The following SOX5 variants were observed in gnomAD, a reference collection of about 807,000 sequenced individuals.
The protein encoded by SOX5 is transcription factor SOX-5.
A neutral mutation model predicts 92.0 loss-of-function variants in SOX5; 9 were observed. The observed-to-expected ratio is 0.10, with a 90% CI of 0.06 to 0.17. The LOEUF (loss-of-function observed/expected upper bound fraction) is 0.17, where lower values mean the gene tolerates loss of function less well. SOX5 is among the 10% of genes least tolerant of loss of function. The pLI, the probability that SOX5 is intolerant of heterozygous loss-of-function variation, is 1.00. For synonymous variants in SOX5, 344 were observed against 336.3 expected (o/e 1.02, Z -0.25); for missense variants, 642 against 944.5 (o/e 0.68, Z 4.20).
At chr12:23,793,546 G>T (rs1192009786) in intron 3 of SOX5, among the ~76,000 whole-genome samples, 1 of 152,166 alleles carries the variant, frequency 6.6e-6, no homozygotes, top group Non-Finnish European at 1.5e-5. Flanking sequence ...TGGGGTATAG[G>T]TGGGGAATTC....
intron 3 of SOX5, among the ~76,000 whole-genome samples, chr12:23,811,440 T>C (rs2095873788): frequency 6.6e-6 from 1 of 152,130 alleles, no homozygotes; most frequent in Admixed American, 6.5e-5. Flanking sequence ...TATACTTCTA[T>C]CCTGTCAGGC....
At chr12:23,621,246 A>C (rs1672617450) in intron 8 of SOX5, among the ~76,000 whole-genome samples, 1 of 152,104 alleles carries the variant, frequency 6.6e-6, no homozygotes, top group Non-Finnish European at 1.5e-5. Flanking sequence ...AGGATATGCA[A>C]ATTCACAGAG....
Position 23,539,123 on chromosome 12 carries a change from G to A in SOX5, c.1772-2454C>T, listed in dbSNP as rs186849831. On this transcript the variant is annotated intron_variant, in intron 13 of 14. Coordinates refer to ENST00000451604, the MANE Select transcript of SOX5 (RefSeq NM_006940.6). ...CCTGGCCAAGCATTTTCAATTAGAA[G>A]GGGAATTGCCAAAGATTCTTCCCTA... Among the ~76,000 whole-genome samples the A allele has an allele frequency of 4.5e-4, 68 of 152,074 alleles. 1 individual carries two copies. Among genetic ancestry groups the A allele is most frequent in the African/African-American group, 1.5e-3 (63 of 41,508 alleles).
At chr12:23,977,248 A>G (rs1345813798) in intron 4 of SOX5, among the ~76,000 whole-genome samples, 7 of 152,200 alleles carry the variant, frequency 4.6e-5, no homozygotes, top group Non-Finnish European at 7.3e-5. Flanking sequence ...TAGTAAGGAA[A>G]CATAATTTTG....
chr12:24,266,034 ATGTGTGTGTG>A (rs59696898), intron 3 of SOX5, among the ~76,000 whole-genome samples: 26,260 of 127,582 alleles, frequency 0.21, 2,681 homozygotes, highest in Admixed American at 0.23. Context: ...ATGCCAGCTA[ATGTGTGTGTG>A]TGTGTGTGTG....
intron 2 of SOX5, among the ~76,000 whole-genome samples, chr12:23,861,435 T>A (rs1045672892): frequency 6.6e-6 from 1 of 152,148 alleles, no homozygotes; most frequent in African/African-American, 2.4e-5. Context: ...AAAATTGCAT[T>A]TAAGTTATAC....
At chr12:23,714,090 CAAA>C (rs545073798) in intron 6 of SOX5, among the ~76,000 whole-genome samples, 7 of 94,608 alleles carry the variant, frequency 7.4e-5, no homozygotes, top group Admixed American at 1.2e-4. Context: ...GACTCCGCCT[CAAA>C]AAAAAAAAAA....
At chr12:23,861,473 T>C (rs1004225223) in intron 2 of SOX5, among the ~76,000 whole-genome samples, 3 of 152,152 alleles carry the variant, frequency 2.0e-5, no homozygotes, top group African/African-American at 7.2e-5. Flanking sequence ...AAAGAGGAGA[T>C]AAATAATTTT....
chr12:24,230,672 G>A (rs557744068), intron 3 of SOX5: 1 of 152,316 alleles, frequency 6.6e-6, no homozygotes, highest in African/African-American at 2.4e-5. Context: ...CTTAAGATCA[G>A]GGTTCAAACT....
chr12:24,513,143 T>C (rs1021529850), intron 1 of SOX5, among the ~76,000 whole-genome samples: 3 of 152,232 alleles, frequency 2.0e-5, no homozygotes, highest in African/African-American at 7.2e-5. Flanking sequence ...TACAGTGCCC[T>C]GTGTTACCAG....
chr12:23,545,591 C>A (rs1408432319), intron 12 of SOX5, among the ~76,000 whole-genome samples: 1 of 152,034 alleles, frequency 6.6e-6, no homozygotes, highest in Non-Finnish European at 1.5e-5. Flanking sequence ...CTATGTAGTA[C>A]ATAGCACTAG....
chr12:23,913,047 C>T (rs532330748), intron 1 of SOX5, among the ~76,000 whole-genome samples: 5 of 152,190 alleles, frequency 3.3e-5, no homozygotes, highest in Admixed American at 1.3e-4. Flanking sequence ...CACATTATCA[C>T]GTCCATTCTA....
chr12:24,334,081 CATACTAT>C (rs2141008116), intron 2 of SOX5, among the ~76,000 whole-genome samples: 1 of 151,264 alleles, frequency 6.6e-6, no homozygotes, highest in Non-Finnish European at 1.5e-5. Flanking sequence ...GGGAAATACT[CATACTAT>C]ATACTATATA....
intron 4 of SOX5, among the ~76,000 whole-genome samples, chr12:24,200,724 G>A (rs1409288590): frequency 6.6e-6 from 1 of 152,134 alleles, no homozygotes; most frequent in African/African-American, 2.4e-5. Context: ...GGTATTGCAG[G>A]TGCCAGATGA....
intron 8 of SOX5, among the ~76,000 whole-genome samples, chr12:23,625,391 A>G (rs761269392): frequency 6.6e-6 from 1 of 152,216 alleles, no homozygotes; most frequent in Non-Finnish European, 1.5e-5. Flanking sequence ...ATTTGGCTTT[A>G]TTAATACAAA....
At chr12:24,121,630 T>C (rs1436311090) in intron 4 of SOX5, among the ~76,000 whole-genome samples, 3 of 146,518 alleles carry the variant, frequency 2.0e-5, no homozygotes, top group African/African-American at 7.6e-5. Context: ...GGCTCACGCC[T>C]GTAATCCCAG....
chr12:24,106,770 C>A (rs1276003454), intron 4 of SOX5, among the ~76,000 whole-genome samples: 1 of 148,338 alleles, frequency 6.7e-6, no homozygotes, highest in African/African-American at 2.5e-5. Context: ...CCAGCCTGGG[C>A]AACAGAGTGA....
At chr12:23,872,302 C>G (rs900414580) in intron 2 of SOX5, among the ~76,000 whole-genome samples, 7 of 151,190 alleles carry the variant, frequency 4.6e-5, no homozygotes, top group African/African-American at 1.5e-4. Flanking sequence ...GTGGGCCACC[C>G]CACCCAGCCC....
chr12:24,181,709 C>A (rs1046075786), intron 4 of SOX5, among the ~76,000 whole-genome samples: 3 of 152,036 alleles, frequency 2.0e-5, no homozygotes, highest in African/African-American at 7.2e-5. Context: ...TGTTGTTTTT[C>A]TATTTTAAAA....
Sources: gnomAD v4.1 joint callset for allele counts (sites outside exome capture counted in the v4.1 genomes callset) on GRCh38, gnomAD v4.1.1 for gene constraint, MANE v1.5 for transcripts, NCBI Gene and HGNC (gene_info 2026-07-23, HGNC 2026-07-21) for gene names.